Variants in TMEM120B observed in about 807,000 individuals in gnomAD.
The protein encoded by TMEM120B is transmembrane protein 120B.
In TMEM120B, 31 loss-of-function variants were observed where a neutral mutation model predicts 55.5. That is an observed-to-expected ratio of 0.56 (90% CI 0.42 to 0.75). TMEM120B has a LOEUF of 0.75. TMEM120B is among the 30% of genes least tolerant of loss of function. The pLI is 0.00. For synonymous variants in TMEM120B, 203 were observed against 176.3 expected (o/e 1.15, Z -1.20); for missense variants, 399 against 425.5 (o/e 0.94, Z 0.55).
In TMEM120B at chr12:121,781,345, C is replaced by T. The variant is rs771520334; in HGVS notation, c.*5623C>T. Reference sequence around the variant, plus strand: ...AGCAAGCCAGGAGTGCTGGCACAGGCCTGTGGTCGCAGCTACTCGGGAGGC... The same window carrying T: ...AGCAAGCCAGGAGTGCTGGCACAGGTCTGTGGTCGCAGCTACTCGGGAGGC... On this transcript the variant is annotated 3_prime_UTR_variant, in exon 12 of 12. Transcript: ENST00000449592. 25 of 656,382 alleles carry T rather than the reference C, an allele frequency of 3.8e-5. No homozygotes were observed. The highest frequency in any genetic ancestry group is 6.2e-5 in the Non-Finnish European group (24 of 385,392). 40.7% of individuals were successfully genotyped at this position (656,382 alleles called of 1,614,324 possible).
chr12:121,743,785 G>A, intron 2 of TMEM120B, 38 bp downstream of exon 2: 2 of 1,483,348 alleles, frequency 1.3e-6, no homozygotes, highest in Non-Finnish European at 1.9e-6. Context: ...CCCTGGTTCT[G>A]AGGGACAGAA....
At position 121,712,835 on chromosome 12, in the gene TMEM120B, G is replaced by T. The variant is rs961574548; in HGVS notation, c.-61G>T. 28 of 1,272,542 alleles carry T rather than the reference G, an allele frequency of 2.2e-5. 1 individual carries two copies. The highest frequency in any genetic ancestry group is 1.3e-4 in the East Asian group (4 of 31,124). 78.8% of individuals were successfully genotyped at this position (1,272,542 alleles called of 1,614,324 possible). The stretch of plus-strand genomic sequence containing the variant: ...GAGCGCGCGGGCGTGGGGCGCTGGG[G>T]GGCCGGTCGGGCAGCGCTGCGGGAG... On this transcript the variant is annotated 5_prime_UTR_variant, in exon 1 of 12. Coordinates refer to ENST00000449592, the MANE Select transcript of TMEM120B (RefSeq NM_001080825.2).
intron 2 of TMEM120B, among the ~76,000 whole-genome samples, chr12:121,744,999 C>T (rs930229332): frequency 2.6e-5 from 4 of 152,178 alleles, no homozygotes; most frequent in African/African-American, 9.7e-5. Flanking sequence ...CAGATGGGCA[C>T]ATGGCGAACC....
intron 1 of TMEM120B, among the ~76,000 whole-genome samples, chr12:121,715,530 G>C (rs544279545): frequency 5.9e-5 from 9 of 152,110 alleles, no homozygotes; most frequent in African/African-American, 2.2e-4. Context: ...TTTGTTCCCT[G>C]GTGCACAGCA....
rs1315745754 is a variant in TMEM120B, at chr12:121,768,448, G to C, written c.552-2459G>C. Among the ~76,000 whole-genome samples, 8 of 152,240 alleles carry C rather than the reference G, an allele frequency of 5.3e-5. No individual in the cohort carries two copies. In the East Asian group the frequency reaches 9.6e-4, roughly 18 times the overall value. On this transcript the variant is annotated intron_variant, in intron 6 of 11. Transcript: ENST00000449592. Reference sequence around the variant, plus strand: ...CCAGAACTGTTGCATGGGCCGTCAAGGGAAGAGTGATGGTTTAGATCCAGT... The same window carrying C: ...CCAGAACTGTTGCATGGGCCGTCAACGGAAGAGTGATGGTTTAGATCCAGT...
Position 121,775,614 on chromosome 12 carries a change from C to G in TMEM120B, c.912C>G (p.Phe304Leu), listed in dbSNP as rs371820277. ...SHEECREWQVFVLAFTFLILF... is the reference protein window; with the variant it reads ...SHEECREWQVLVLAFTFLILF... ...TCCTCTCTGGACTCCCCCAGGTGTT[C>G]GTACTGGCGTTCACCTTCCTCATCC... Residue 304 changes from phenylalanine (F) to leucine (L), a missense_variant, in exon 12 of 12, where the codon TTC becomes TTG. Physicochemically the swap from Phe to Leu is conservative, Grantham distance 22. This residue lies in a region of TMEM120B where 260 missense variants were observed against 303.9 expected (regional missense o/e 0.86). Transcript: ENST00000449592. The surrounding 1 kb of genome is among the most constrained non-coding windows in gnomAD (Gnocchi z 4.3). 1 of 1,613,316 alleles carries G rather than the reference C, an allele frequency of 6.2e-7. No homozygotes were observed. The highest frequency in any genetic ancestry group is 1.7e-5 in the Admixed American group (1 of 59,952).
At chr12:121,720,268 C>G (rs1314869320) in intron 1 of TMEM120B, among the ~76,000 whole-genome samples, 1 of 152,202 alleles carries the variant, frequency 6.6e-6, no homozygotes, top group East Asian at 1.9e-4. Context: ...TTCATGGATT[C>G]TGACACATGA....
intron 5 of TMEM120B, among the ~76,000 whole-genome samples, chr12:121,759,973 G>C (rs1873615726): frequency 6.6e-6 from 1 of 151,352 alleles, no homozygotes; most frequent in African/African-American, 2.4e-5. Flanking sequence ...TCTACTAAAA[G>C]TACAAAAATC....
At chr12:121,761,470 C>G (rs926856918) in intron 5 of TMEM120B, among the ~76,000 whole-genome samples, 179 bp from the exon 6 acceptor site, 10 of 152,068 alleles carry the variant, frequency 6.6e-5, no homozygotes, top group Admixed American at 1.3e-4. Flanking sequence ...TTTGCAGGGC[C>G]GGGGAAGACG....
At chr12:121,728,719 T>C (rs1170581331) in intron 1 of TMEM120B, among the ~76,000 whole-genome samples, 6 of 152,084 alleles carry the variant, frequency 3.9e-5, no homozygotes, top group Admixed American at 1.3e-4. Flanking sequence ...GTCAGAAGGG[T>C]GCTACCTTCA....
intron 1 of TMEM120B, among the ~76,000 whole-genome samples, chr12:121,715,295 T>G (rs1894679942): frequency 1.3e-5 from 2 of 152,144 alleles, no homozygotes; most frequent in Non-Finnish European, 2.9e-5. Context: ...ACTGTGCCAT[T>G]GCACTCCAGC....
At chr12:121,717,547 C>T (rs1482792720) in intron 1 of TMEM120B, among the ~76,000 whole-genome samples, 1 of 152,196 alleles carries the variant, frequency 6.6e-6, no homozygotes, top group African/African-American at 2.4e-5. Flanking sequence ...GATTCGAACC[C>T]AGGCTGTTGA....
At chr12:121,728,936 C>A (rs139469354) in intron 1 of TMEM120B, among the ~76,000 whole-genome samples, 1 of 152,330 alleles carries the variant, frequency 6.6e-6, no homozygotes, top group Non-Finnish European at 1.5e-5. Flanking sequence ...CTCATAAATC[C>A]TCTTCTACTG....
At chr12:121,726,111 G>T (rs1040791418) in intron 1 of TMEM120B, among the ~76,000 whole-genome samples, 1 of 151,942 alleles carries the variant, frequency 6.6e-6, no homozygotes, top group African/African-American at 2.4e-5. Flanking sequence ...AGGAAGAAGG[G>T]GAGATGGAGA....
In TMEM120B at chr12:121,775,125, T is replaced by A; in HGVS notation, c.901T>A (p.Trp301Arg). The A allele has an allele frequency of 1.1e-6, 1 of 940,404 alleles. No individual in the cohort carries two copies. The highest frequency in any genetic ancestry group is 1.5e-6 in the Non-Finnish European group (1 of 689,026). 58.3% of individuals were successfully genotyped at this position (940,404 alleles called of 1,614,324 possible). Residue 301 changes from tryptophan (W) to arginine (R), a missense_variant, in exon 11 of 12, where the codon TGG becomes AGG. Transcript: ENST00000449592. The surrounding 1 kb of genome is among the most constrained non-coding windows in gnomAD (Gnocchi z 4.3). Reference protein sequence around the residue: ...ELSSHEECREWQVFVLAFTFL... With the variant: ...ELSSHEECRERQVFVLAFTFL... ...CTCCAGCCACGAGGAATGCAGAGAA[T>A]GGCAGGTATGGGGGGTGGGGGCATG...
chr12:121,768,997 T>C (rs1332988201), intron 6 of TMEM120B, among the ~76,000 whole-genome samples: 1 of 151,870 alleles, frequency 6.6e-6, no homozygotes, highest in East Asian at 1.9e-4. Flanking sequence ...AATACAAAAA[T>C]TAGCCAGGTG....
chr12:121,738,956 G>T (rs1872835783), intron 1 of TMEM120B, among the ~76,000 whole-genome samples: 2 of 151,238 alleles, frequency 1.3e-5, no homozygotes, highest in Non-Finnish European at 2.9e-5. Context: ...GGAGGCCGAG[G>T]TGGGAGGATC....
rs1340447792 is a variant in TMEM120B, at chr12:121,778,442, C to T, written c.*2720C>T. Reference sequence around the variant, plus strand: ...CTCTAGCCTGAGTGACAGAATGAGACTCTGTCCCAAAAAAAAAAAAAAAAA... The same window carrying T: ...CTCTAGCCTGAGTGACAGAATGAGATTCTGTCCCAAAAAAAAAAAAAAAAA... On this transcript the variant is annotated 3_prime_UTR_variant, in exon 12 of 12. Transcript: ENST00000449592. The T allele has an allele frequency of 7.1e-6, 1 of 141,626 alleles. No homozygotes were observed. Among genetic ancestry groups the T allele is most frequent in the Non-Finnish European group, 1.5e-5 (1 of 66,616 alleles). 8.8% of individuals were successfully genotyped at this position (141,626 alleles called of 1,614,324 possible). A position where few individuals can be genotyped will look rare whatever the true frequency, so the allele number is the denominator to read the frequency against.
At position 121,781,173 on chromosome 12, in the gene TMEM120B, C is replaced by G. The variant is rs1417921146; in HGVS notation, c.*5451C>G. On this transcript the variant is annotated 3_prime_UTR_variant, in exon 12 of 12. Coordinates refer to ENST00000449592, the MANE Select transcript of TMEM120B (RefSeq NM_001080825.2). ...TGTTCTGGTAGGACAGGGGCCGCAG[C>G]CGGTCATAGTCTTCTTGCCCTGAAA... 1 of 1,614,080 alleles carries G rather than the reference C, an allele frequency of 6.2e-7. No homozygotes were observed. The highest frequency in any genetic ancestry group is 8.5e-7 in the Non-Finnish European group (1 of 1,180,032).
Sources: allele counts gnomAD v4.1 joint callset (sites outside exome capture counted in the v4.1 genomes callset), GRCh38; gene constraint gnomAD v4.1.1; regional missense constraint gnomAD v4.1.1; non-coding constraint Gnocchi (gnomAD v3.1); transcripts MANE v1.5; gene names NCBI Gene and HGNC (gene_info 2026-07-23, HGNC 2026-07-21).